Variants in NUFIP2 observed in about 807,000 individuals in gnomAD.
The protein encoded by NUFIP2 is FMR1-interacting protein NUFIP2.
In NUFIP2, 6 loss-of-function variants were observed where a neutral mutation model predicts 56.9. The observed-to-expected ratio is 0.11, with a 90% CI of 0.06 to 0.21. The LOEUF is 0.21. Among genes scored for constraint, NUFIP2 ranks in the 10% least tolerant of loss-of-function variants. The pLI, the probability that NUFIP2 is intolerant of heterozygous loss-of-function variation, is 1.00. For synonymous variants in NUFIP2, 321 were observed against 298.2 expected (o/e 1.08, Z -0.79); for missense variants, 828 against 826.8 (o/e 1.00, Z -0.02).
intron 2 of NUFIP2, among the ~76,000 whole-genome samples, chr17:29,269,382 G>T (rs2069058020): frequency 6.6e-6 from 1 of 152,062 alleles, no homozygotes; most frequent in Non-Finnish European, 1.5e-5. Context: ...GACAAAATAA[G>T]ATACAGATCT....
In NUFIP2 at chr17:29,286,258, A is replaced by G. The variant is rs2069173262; in HGVS notation, c.1736T>C (p.Ile579Thr). The stretch of plus-strand genomic sequence containing the variant: ...CTCACTAGTAGTCCCAGATTTTAGA[A>G]TGCTACCCAGAACTTGAGGACTAGT... ...KRTSPQVLGS[I>T]LKSGTTSESG... The change falls in exon 2 of 4, where the codon ATT becomes ACT. Residue 579 changes from isoleucine to threonine, a missense_variant. Transcript: ENST00000225388. 2.5e-6 allele frequency: 4 copies of G among 1,614,212 alleles called. No individual in the cohort carries two copies. Among genetic ancestry groups the G allele is most frequent in the Non-Finnish European group, 3.4e-6 (4 of 1,180,044 alleles).
chr17:29,292,208 G>T (rs1720260011), intron 1 of NUFIP2, among the ~76,000 whole-genome samples: 1 of 152,010 alleles, frequency 6.6e-6, no homozygotes, highest in Admixed American at 6.6e-5. Flanking sequence ...ACGGAGAGAA[G>T]CCTCATCCGA....
intron 2 of NUFIP2, among the ~76,000 whole-genome samples, chr17:29,276,875 A>C (rs2069111440): frequency 6.6e-6 from 1 of 152,228 alleles, no homozygotes; most frequent in Non-Finnish European, 1.5e-5. Flanking sequence ...TCTGACCTAC[A>C]AAAACAGCAA....
Position 29,287,432 on chromosome 17 carries a change from T to C in NUFIP2, c.562A>G (p.Asn188Asp), listed in dbSNP as rs767524793. 1 of 1,614,088 alleles carries C rather than the reference T, an allele frequency of 6.2e-7. No individual in the cohort carries two copies. Among genetic ancestry groups the C allele is most frequent in the Non-Finnish European group, 8.5e-7 (1 of 1,179,940 alleles). The change falls in exon 2 of 4, where the codon AAT becomes GAT. Residue 188 changes from asparagine (N) to aspartate (D), a missense_variant. Asn to Asp is a conservative substitution (Grantham distance 23, BLOSUM62 1). Coordinates refer to ENST00000225388, the MANE Select transcript of NUFIP2 (RefSeq NM_020772.3). ...CCAGAATTATTTGTTACCACACCAT[T>C]TGGAATTGGTATAGTATCAGACTTA... ...VDKSDTIPIP[N>D]GVVTNNSGYI... is the part of the protein sequence containing the mutation.
rs769177425 is a variant in NUFIP2 at position 29,293,837 on chromosome 17, G to C, written c.223C>G (p.His75Asp). ...TGCTGGAGGGTGTGTTTCTGCTCATGTTTCAGCGGCTTTGGCTGGGCCTTG... is the reference window on the plus strand; with the variant it reads ...TGCTGGAGGGTGTGTTTCTGCTCATCTTTCAGCGGCTTTGGCTGGGCCTTG... Reference protein sequence around the residue: ...SPKAQPKPLKHEQKHTLQQHQ... With the variant: ...SPKAQPKPLKDEQKHTLQQHQ... The change falls in exon 1 of 4, where the codon CAT becomes GAT. Residue 75 changes from histidine (H) to aspartate (D), a missense_variant. Physicochemically the swap from His to Asp is moderately conservative, Grantham distance 81. Transcript: ENST00000225388. The C allele has an allele frequency of 1.2e-6, 2 of 1,608,716 alleles. No individual in the cohort carries two copies. The highest frequency in any genetic ancestry group is 2.2e-5 in the South Asian group (2 of 90,832).
chr17:29,257,046 C>T lies in NUFIP2; in HGVS notation c.*7493G>A, dbSNP rs2068975297. On this transcript the variant is annotated 3_prime_UTR_variant, in exon 4 of 4. Transcript: ENST00000225388. ...AGGGTCTTTCAGTTTGAATTACTTT[C>T]CATTTCTATTTGATCAAATAAACCA... is the stretch of plus-strand genomic sequence containing the variant. The T allele has an allele frequency of 6.6e-6, 1 of 152,174 alleles. No homozygotes were observed. The highest frequency in any genetic ancestry group is 6.5e-5 in the Admixed American group (1 of 15,270). 9.4% of individuals were successfully genotyped at this position (152,174 alleles called of 1,614,324 possible). A position where few individuals can be genotyped will look rare whatever the true frequency, so the allele number is the denominator to read the frequency against.
chr17:29,278,279 C>A (rs1353572996), intron 2 of NUFIP2, among the ~76,000 whole-genome samples: 1 of 151,772 alleles, frequency 6.6e-6, no homozygotes, highest in Admixed American at 6.6e-5. Flanking sequence ...CAGAGTCTCG[C>A]TCTGTCCCCC....
intron 2 of NUFIP2, among the ~76,000 whole-genome samples, chr17:29,273,142 C>T (rs1020562840): frequency 4.0e-5 from 6 of 151,594 alleles, no homozygotes; most frequent in East Asian, 1.9e-4. Context: ...TGGGTTCAAG[C>T]GATTCTTCTG....
At chr17:29,277,032 T>C (rs751934030) in intron 2 of NUFIP2, among the ~76,000 whole-genome samples, 7 of 152,160 alleles carry the variant, frequency 4.6e-5, no homozygotes, top group Non-Finnish European at 1.0e-4. Context: ...TAATAGAACA[T>C]TGTTTGTTTT....
chr17:29,279,037 A>T (rs893510273), intron 2 of NUFIP2, among the ~76,000 whole-genome samples: 9 of 152,206 alleles, frequency 5.9e-5, no homozygotes, highest in African/African-American at 1.7e-4. Flanking sequence ...ACCAAGGCAA[A>T]TCTTAAAACT....
At chr17:29,293,103 CGCGCCGGCTCTGGGGGGAGCGGGCGCGGG>C (rs1354135563) in intron 1 of NUFIP2, among the ~76,000 whole-genome samples, 2 of 151,486 alleles carry the variant, frequency 1.3e-5, no homozygotes, top group Non-Finnish European at 3.0e-5. Context: ...ACATTCCAGC[CGCGCCGGCTCTGGGGGGAGCGGGCGCGGG>C]GCGCCGGCCT....
chr17:29,286,757 T>C lies in NUFIP2; in HGVS notation c.1237A>G (p.Asn413Asp). 1.9e-6 allele frequency: 3 copies of C among 1,614,124 alleles called. No homozygotes were observed. The highest frequency in any genetic ancestry group is 1.7e-6 in the Non-Finnish European group (2 of 1,180,012). Residue 413 changes from asparagine (N) to aspartate (D), a missense_variant, in exon 2 of 4, where the codon AAC becomes GAC. Asn to Asp is a conservative substitution (Grantham distance 23). Around this residue, in one of 3 missense-constraint regions of NUFIP2, gnomAD observed 404 missense variants for 380.3 expected, o/e 1.06. Transcript: ENST00000225388. ...GCTAAAACAGGCCCATTAGAAAAGT[T>C]GGCAGAAGTAACAGATTTCAGCGCT... ...MSALKSVTSA[N>D]FSNGPVLAGT...
In NUFIP2 at chr17:29,256,776, A is replaced by G. The variant is rs987626640; in HGVS notation, c.*7763T>C. On this transcript the variant is annotated 3_prime_UTR_variant, in exon 4 of 4. Coordinates refer to ENST00000225388, the MANE Select transcript of NUFIP2 (RefSeq NM_020772.3). Reference sequence around the variant, plus strand: ...AAGCTATTTAGTACATACAGATTGCAGCACTTGAACCAAATGTACCCAACT... The same window carrying G: ...AAGCTATTTAGTACATACAGATTGCGGCACTTGAACCAAATGTACCCAACT... 1 of 152,230 alleles carries G rather than the reference A, an allele frequency of 6.6e-6. No homozygotes were observed. Among genetic ancestry groups the G allele is most frequent in the Admixed American group, 6.5e-5 (1 of 15,280 alleles). The allele number at this position is 152,230 out of a possible 1,614,324, so 9.4% of individuals were successfully genotyped here. A position where few individuals can be genotyped will look rare whatever the true frequency, so the allele number is the denominator to read the frequency against.
Position 29,294,105 on chromosome 17 carries a change from C to T in NUFIP2, c.-46G>A. The stretch of plus-strand genomic sequence containing the variant: ...TGGCTGAGGCTGCGGGCTGCTGCAC[C>T]GTCAGGATCTGAGACTGCTTCTCAG... On this transcript the variant is annotated 5_prime_UTR_variant, in exon 1 of 4. Transcript: ENST00000225388. 1.9e-6 allele frequency: 3 copies of T among 1,553,132 alleles called. No individual in the cohort carries two copies. The highest frequency in any genetic ancestry group is 2.6e-6 in the Non-Finnish European group (3 of 1,148,836).
At chr17:29,277,264 A>T (rs2069113605) in intron 2 of NUFIP2, among the ~76,000 whole-genome samples, 1 of 152,176 alleles carries the variant, frequency 6.6e-6, no homozygotes, top group Admixed American at 6.5e-5. Context: ...ACCTCAGGGG[A>T]TCTGCCCACC....
At chr17:29,267,023 C>A (rs751117434) in intron 3 of NUFIP2, among the ~76,000 whole-genome samples, 1 of 151,770 alleles carries the variant, frequency 6.6e-6, no homozygotes, top group South Asian at 2.1e-4. Context: ...CTTGCCTCAG[C>A]CTCCCAAGTA....
chr17:29,268,058 C>T (rs571796961), intron 2 of NUFIP2, among the ~76,000 whole-genome samples: 1 of 152,144 alleles, frequency 6.6e-6, no homozygotes, highest in African/African-American at 2.4e-5. Flanking sequence ...GCCACCACGC[C>T]CAGCTAATTT....
rs576350087 is a variant in NUFIP2, at chr17:29,258,195, A to G, written c.*6344T>C. ...TGGCAACATCAAAATATAACCAGAT[A>G]GCTTTGGCCCACACATCTTTCTCAT... On this transcript the variant is annotated 3_prime_UTR_variant, in exon 4 of 4. Transcript: ENST00000225388. 6.6e-6 allele frequency: 1 copy of G among 152,316 alleles called. No individual in the cohort carries two copies. The highest frequency in any genetic ancestry group is 1.5e-5 in the Non-Finnish European group (1 of 68,020). 9.4% of individuals were successfully genotyped at this position (152,316 alleles called of 1,614,324 possible).
In NUFIP2 at chr17:29,286,137, G is replaced by A. The variant is rs374008127; in HGVS notation, c.1857C>T (p.Tyr619=). ...QGALVFLSKD[Y]EIESQNPLAS... ...CCAGAGGATTTTGACTTTCTATCTC[G>A]TAGTCCTTTGAGAGAAACACTAAAG... The change falls in exon 2 of 4, where the codon TAC becomes TAT. Residue 619 remains tyrosine, a synonymous_variant. Coordinates refer to ENST00000225388, the MANE Select transcript of NUFIP2 (RefSeq NM_020772.3). 1.5e-5 allele frequency: 24 copies of A among 1,613,870 alleles called. No individual in the cohort carries two copies. The highest frequency in any genetic ancestry group is 2.2e-5 in the South Asian group (2 of 91,086).
Sources: allele counts gnomAD v4.1 joint callset (sites outside exome capture counted in the v4.1 genomes callset), GRCh38; gene constraint gnomAD v4.1.1; regional missense constraint gnomAD v4.1.1; transcripts MANE v1.5; gene names NCBI Gene and HGNC (gene_info 2026-07-23, HGNC 2026-07-21).